Variants in POLR1C observed in about 807,000 individuals in gnomAD.
POLR1C encodes RNA polymerase I and III subunit C, also known as DNA-directed RNA polymerases I and III subunit RPAC1.
POLR1C carries 42 observed loss-of-function variants against 38.3 expected under a neutral mutation model. That is an observed-to-expected ratio of 1.10 (90% CI 0.86 to 1.42). The LOEUF is 1.42. Ranked by LOEUF, POLR1C falls within the 40% of genes most tolerant of loss-of-function variation. POLR1C has a pLI of 0.00. For missense variants in POLR1C, 507 were observed against 450.5 expected, an observed-to-expected ratio of 1.13 and a Z score of -1.14; for synonymous variants, 163 against 163.9, an observed-to-expected ratio of 0.99 and a Z score of 0.04.
At chr6:43,521,832 A>AG (rs1491095202), downstream of POLR1C, among the ~76,000 whole-genome samples, 8 of 151,346 alleles carry the variant, frequency 5.3e-5, no homozygotes, top group Non-Finnish European at 1.2e-4. Context: ...CGCGAAAAAC[A>AG]GGGGGCCTCA....
intron 9 of POLR1C, chr6:43,539,030 G>T (rs1053597078): frequency 2.7e-4 from 412 of 1,547,966 alleles, no homozygotes; most frequent in Non-Finnish European, 3.6e-4. Flanking sequence ...GCCCTGGGCT[G>T]AGGTGTAGCA....
intron 8 of POLR1C, chr6:43,526,746 C>A: frequency 1.9e-6 from 3 of 1,613,666 alleles, no homozygotes; most frequent in Non-Finnish European, 2.5e-6. Context: ...CACAGCAAAC[C>A]GCTAAAGCAA....
intron 10 of POLR1C, chr6:43,553,353 C>T: frequency 1.2e-6 from 2 of 1,600,834 alleles, no homozygotes; most frequent in Non-Finnish European, 1.7e-6. Flanking sequence ...ATGCAGTCAG[C>T]ATGGGAAATA....
intron 10 of POLR1C, chr6:43,560,144 C>T: frequency 6.2e-7 from 1 of 1,604,772 alleles, no homozygotes; most frequent in Non-Finnish European, 8.5e-7. Context: ...GTGTATTCAC[C>T]TACATTCCAC....
chr6:43,535,903 A>C (rs1361773600), intron 9 of POLR1C, among the ~76,000 whole-genome samples: 3 of 151,348 alleles, frequency 2.0e-5, no homozygotes, highest in Non-Finnish European at 4.4e-5. Flanking sequence ...CCGGAGAATC[A>C]CCTGAGGCCA....
chr6:43,543,088 G>A (rs867817602), intron 9 of POLR1C, among the ~76,000 whole-genome samples: 2 of 152,096 alleles, frequency 1.3e-5, no homozygotes, highest in South Asian at 4.1e-4. Context: ...ACAAAATATT[G>A]AGCGAAAGGA....
At chr6:43,541,342 C>CATTG (rs1196779620) in intron 9 of POLR1C, among the ~76,000 whole-genome samples, 3 of 152,148 alleles carry the variant, frequency 2.0e-5, no homozygotes, top group African/African-American at 7.2e-5. Context: ...TATTATTATG[C>CATTG]ATTGCATGCC....
At chr6:43,557,517 A>C (rs1762162360) in intron 10 of POLR1C, among the ~76,000 whole-genome samples, 1 of 152,168 alleles carries the variant, frequency 6.6e-6, no homozygotes, top group Non-Finnish European at 1.5e-5. Flanking sequence ...ACAATAGACC[A>C]TGTATGATTC....
intron 9 of POLR1C, among the ~76,000 whole-genome samples, chr6:43,545,632 G>C (rs1331489356): frequency 6.6e-6 from 1 of 152,082 alleles, no homozygotes; most frequent in South Asian, 2.1e-4. Flanking sequence ...GCTTAAGCCT[G>C]GGAGGCGGAG....
chr6:43,553,689 CA>C (rs1166812972), intron 10 of POLR1C: 5 of 1,310,482 alleles, frequency 3.8e-6, no homozygotes, highest in Non-Finnish European at 4.9e-6. Flanking sequence ...GTGCTGAAAG[CA>C]ATGAGGTAGG....
At chr6:43,517,423 CTTGT>C in intron 2 of POLR1C, 46 bp downstream of exon 2, 3 of 1,525,502 alleles carry the variant, frequency 2.0e-6, no homozygotes, top group Admixed American at 1.7e-5. Context: ...AAGGCCAGAC[CTTGT>C]GGTCTGAGCA....
At chr6:43,524,741 G>T, downstream of POLR1C, 1 of 1,586,838 alleles carries the variant, frequency 6.3e-7, no homozygotes, top group Non-Finnish European at 8.6e-7. Context: ...AATTTGGCAG[G>T]TGCCTGAATT....
intron 10 of POLR1C, among the ~76,000 whole-genome samples, chr6:43,552,657 A>G (rs1193196650): frequency 1.3e-5 from 2 of 152,178 alleles, no homozygotes; most frequent in African/African-American, 4.8e-5. Context: ...CCGGCTTATC[A>G]GCTACTTTAG....
intron 9 of POLR1C, chr6:43,548,238 T>G (rs1485919383): frequency 6.4e-7 from 1 of 1,560,470 alleles, no homozygotes; most frequent in East Asian, 2.3e-5. Context: ...ATAGTAAGAG[T>G]CAGGGCAAGG....
At chr6:43,522,759 C>T (rs767419476), downstream of POLR1C, 2 of 479,152 alleles carry the variant, frequency 4.2e-6, no homozygotes, top group South Asian at 1.5e-5. Flanking sequence ...TTGTGCAGAG[C>T]ACATGGACAC....
At chr6:43,527,699 T>C (rs957110864) in intron 8 of POLR1C, 46 of 1,614,006 alleles carry the variant, frequency 2.9e-5, no homozygotes, top group Non-Finnish European at 3.9e-5. Context: ...CTCTTGAGAC[T>C]CTGGGTTTTC....
At chr6:43,551,556 T>TAAAAG in intron 10 of POLR1C, 1 of 1,423,790 alleles carries the variant, frequency 7.0e-7, no homozygotes, top group Non-Finnish European at 9.7e-7. Flanking sequence ...AGGGTCTCAT[T>TAAAAG]CTGTCACCTA....
At chr6:43,557,807 AAAGG>A (rs1762179558) in intron 10 of POLR1C, among the ~76,000 whole-genome samples, 3 of 147,620 alleles carry the variant, frequency 2.0e-5, no homozygotes, top group Admixed American at 1.3e-4. Flanking sequence ...AAAAAAAAAA[AAAGG>A]AGGCTGGGCG....
chr6:43,528,069 G>T lies in POLR1C; in HGVS notation c.923-1180G>T, dbSNP rs982028191. The T allele has an allele frequency of 8.4e-6, 11 of 1,315,998 alleles. No individual in the cohort carries two copies. The South Asian group carries it at 1.1e-4, about 14-fold the overall frequency. 81.5% of individuals were successfully genotyped at this position (1,315,998 alleles called of 1,614,324 possible). ...CTACAACCTACTGCTCTTCTACCCT[G>T]GGACAGCAGAATCCCTGCCCGCTTC... On this transcript the variant is annotated intron_variant, in intron 8 of 8. Transcript: ENST00000304004.
Sources: gnomAD v4.1 joint callset for allele counts (sites outside exome capture counted in the v4.1 genomes callset) on GRCh38, gnomAD v4.1.1 for gene constraint, MANE v1.5 for transcripts, NCBI Gene and HGNC (gene_info 2026-07-23, HGNC 2026-07-21) for gene names.